Variants in EYA3 observed in about 807,000 individuals in gnomAD.
EYA3 encodes EYA transcriptional coactivator and phosphatase 3, also known as protein phosphatase EYA3.
Under a neutral mutation model 80.0 loss-of-function variants are expected in EYA3, and 39 were observed. That is an observed-to-expected ratio of 0.49 (90% CI 0.38 to 0.64). The LOEUF (loss-of-function observed/expected upper bound fraction) is 0.64, where lower values mean the gene tolerates loss of function less well. Among genes scored for constraint, EYA3 ranks in the 30% least tolerant of loss-of-function variants. The pLI is 0.00. For synonymous variants in EYA3, 206 were observed against 232.8 expected (o/e 0.88, Z 1.05); for missense variants, 523 against 676.1 (o/e 0.77, Z 2.51).
chr1:28,061,618 G>C (rs190939617), intron 1 of EYA3, among the ~76,000 whole-genome samples: 21 of 138,420 alleles, frequency 1.5e-4, no homozygotes, highest in African/African-American at 5.6e-4. Flanking sequence ...TTTGTTTTTT[G>C]AGATGGAGTC....
At position 28,038,899 on chromosome 1, in the gene EYA3, G is replaced by T; in HGVS notation, c.164C>A (p.Thr55Lys). The change falls in exon 5 of 18, where the codon ACA (threonine) becomes AAA (lysine). Residue 55 changes from threonine (T) to lysine (K), a missense_variant. Transcript: ENST00000373871. ...SNLPMSEEIM[T>K]CTDYIPRSSN... is the part of the protein sequence containing the mutation. ...TGAGCGAGGGATGTAATCGGTGCAT[G>T]TCATAACTGAAAGAAAGATAATATC... 6.3e-7 allele frequency: 1 copy of T among 1,592,398 alleles called. No individual in the cohort carries two copies. Among genetic ancestry groups the T allele is most frequent in the Non-Finnish European group, 8.6e-7 (1 of 1,166,194 alleles).
chr1:28,022,904 A>G (rs944463969), intron 7 of EYA3, among the ~76,000 whole-genome samples: 1 of 152,070 alleles, frequency 6.6e-6, no homozygotes. Flanking sequence ...TTTTGTAGAG[A>G]TGGGGTTTTG....
At chr1:28,059,064 C>T (rs765245825) in intron 1 of EYA3, among the ~76,000 whole-genome samples, 9 of 152,136 alleles carry the variant, frequency 5.9e-5, no homozygotes, top group Non-Finnish European at 1.2e-4. Flanking sequence ...TCTTATCACA[C>T]AAGTACTGAA....
Position 28,080,028 on chromosome 1 carries a change from G to A in EYA3, c.-69+8496C>T, listed in dbSNP as rs192263887. On this transcript the variant is annotated intron_variant, in intron 1 of 17. Coordinates refer to ENST00000373871, the MANE Select transcript of EYA3 (RefSeq NM_001990.4). ...ACTGCAGGTACATTGCATTAACTAC[G>A]GAAACTAAAGAAAAAATTCAATTTC... Among the ~76,000 whole-genome samples, 184 of 152,136 alleles carry A rather than the reference G, an allele frequency of 1.2e-3. 4 individuals are homozygous for A. In the East Asian group the frequency reaches 0.022, roughly 18 times the overall value.
At chr1:28,048,970 G>GT (rs1644138185) in intron 2 of EYA3, among the ~76,000 whole-genome samples, 2 of 152,010 alleles carry the variant, frequency 1.3e-5, no homozygotes, top group South Asian at 2.1e-4. Flanking sequence ...TTGAAACAGT[G>GT]TAAGAATCCA....
intron 5 of EYA3, among the ~76,000 whole-genome samples, chr1:28,035,909 G>A (rs939827113): frequency 3.9e-5 from 6 of 152,052 alleles, no homozygotes; most frequent in Admixed American, 1.3e-4. Flanking sequence ...CTGCCTCCCC[G>A]GTTCAAGCAA....
At chr1:27,983,295 T>C (rs2148711080) in intron 16 of EYA3, among the ~76,000 whole-genome samples, 1 of 152,330 alleles carries the variant, frequency 6.6e-6, no homozygotes, top group South Asian at 2.1e-4. Context: ...CTCTAAAGTA[T>C]ATATATATCT....
intron 1 of EYA3, among the ~76,000 whole-genome samples, chr1:28,077,966 T>A (rs56003040): frequency 0.18 from 26,882 of 152,176 alleles, 2,448 homozygotes; most frequent in East Asian, 0.25. Flanking sequence ...TTGAAATCTA[T>A]GTCTTTAGCT....
At chr1:28,072,381 T>A (rs539245686) in intron 1 of EYA3, among the ~76,000 whole-genome samples, 1 of 152,090 alleles carries the variant, frequency 6.6e-6, no homozygotes, top group Non-Finnish European at 1.5e-5. Context: ...CAGAGGAGAT[T>A]CCAAAAGTTT....
At chr1:28,003,707 TG>T (rs1199383595) in intron 11 of EYA3, among the ~76,000 whole-genome samples, 1 of 152,116 alleles carries the variant, frequency 6.6e-6, no homozygotes, top group Admixed American at 6.6e-5. Context: ...TGCACCTGGC[TG>T]GGGTGCAGAT....
At chr1:28,029,327 TA>T (rs1400470954) in intron 6 of EYA3, among the ~76,000 whole-genome samples, 1 of 152,246 alleles carries the variant, frequency 6.6e-6, no homozygotes, top group Non-Finnish European at 1.5e-5. Flanking sequence ...CTGTGATGTG[TA>T]AAGACAATTG....
chr1:27,981,056 A>G (rs1639268322), intron 16 of EYA3, among the ~76,000 whole-genome samples: 1 of 152,216 alleles, frequency 6.6e-6, no homozygotes, highest in Admixed American at 6.5e-5. Flanking sequence ...AAAACCCCCC[A>G]AAACAAAAAA....
chr1:28,082,388 G>A (rs1645460696), intron 1 of EYA3, among the ~76,000 whole-genome samples: 1 of 151,866 alleles, frequency 6.6e-6, no homozygotes, highest in Non-Finnish European at 1.5e-5. Flanking sequence ...GCTTAATAAA[G>A]GAACAAAAGA....
At chr1:28,084,232 A>G (rs1279165434) in intron 1 of EYA3, among the ~76,000 whole-genome samples, 6 of 152,042 alleles carry the variant, frequency 3.9e-5, no homozygotes, top group Non-Finnish European at 8.8e-5. Context: ...TAAATATACT[A>G]CTATAAAGAA....
intron 15 of EYA3, among the ~76,000 whole-genome samples, chr1:27,989,397 C>A (rs557330946): frequency 6.6e-6 from 1 of 152,266 alleles, no homozygotes; most frequent in African/African-American, 2.4e-5. Context: ...TCCATGTATT[C>A]TTTGACGTCA....
At chr1:27,992,412 G>A (rs542476976) in intron 14 of EYA3, among the ~76,000 whole-genome samples, 1 of 152,158 alleles carries the variant, frequency 6.6e-6, no homozygotes, top group South Asian at 2.1e-4. Flanking sequence ...ATCTAATGCC[G>A]CCACTGATCT....
chr1:28,037,894 C>T (rs1220115977), intron 5 of EYA3, among the ~76,000 whole-genome samples: 1 of 152,190 alleles, frequency 6.6e-6, no homozygotes, highest in Non-Finnish European at 1.5e-5. Context: ...GCTGTAAGCA[C>T]ATAAGCACAT....
intron 5 of EYA3, among the ~76,000 whole-genome samples, chr1:28,036,638 A>C (rs190681929): frequency 2.0e-5 from 3 of 152,162 alleles, no homozygotes; most frequent in Non-Finnish European, 1.5e-5. Context: ...TGGTGCCACC[A>C]TATCAGGGAT....
At chr1:28,016,175 C>T (rs1281926800) in intron 8 of EYA3, among the ~76,000 whole-genome samples, 1 of 152,126 alleles carries the variant, frequency 6.6e-6, no homozygotes, top group East Asian at 1.9e-4. Context: ...GAGAAAGAGA[C>T]AGTCCTTAGA....
Sources: allele counts gnomAD v4.1 joint callset (sites outside exome capture counted in the v4.1 genomes callset), GRCh38; gene constraint gnomAD v4.1.1; transcripts MANE v1.5; gene names NCBI Gene and HGNC (gene_info 2026-07-23, HGNC 2026-07-21).